Variants in PRKG1 observed in about 807,000 individuals in gnomAD.
The protein encoded by PRKG1 is protein kinase cGMP-dependent 1.
Under a neutral mutation model 88.1 loss-of-function variants are expected in PRKG1, and 35 were observed. That is an observed-to-expected ratio of 0.40 (90% confidence interval 0.30 to 0.53). The LOEUF (loss-of-function observed/expected upper bound fraction) is 0.53, where lower values mean the gene tolerates loss of function less well. PRKG1 is among the 20% of genes least tolerant of loss of function. PRKG1 has a pLI of 0.59. For synonymous variants in PRKG1, 303 were observed against 292.5 expected (o/e 1.04, Z -0.37); for missense variants, 540 against 839.8 (o/e 0.64, Z 4.41).
At chr10:51,530,819 T>C (rs1480022920) in intron 3 of PRKG1, among the ~76,000 whole-genome samples, 1 of 152,160 alleles carries the variant, frequency 6.6e-6, no homozygotes, top group Non-Finnish European at 1.5e-5. Flanking sequence ...GGGAAACCCT[T>C]TTTCCCATGT....
intron 8 of PRKG1, among the ~76,000 whole-genome samples, chr10:52,156,060 G>C (rs1320896961): frequency 2.6e-5 from 4 of 151,938 alleles, no homozygotes; most frequent in Admixed American, 6.6e-5. Flanking sequence ...TGAAGTGTTT[G>C]TTATTTGAAA....
intron 4 of PRKG1, among the ~76,000 whole-genome samples, chr10:51,856,841 T>G (rs967871381): frequency 8.6e-5 from 13 of 151,748 alleles, no homozygotes; most frequent in Admixed American, 7.9e-4. Context: ...GGCGGGTGCC[T>G]TAGTCCCAGC....
At chr10:52,193,974 C>A (rs1418391042) in intron 9 of PRKG1, among the ~76,000 whole-genome samples, 1 of 152,014 alleles carries the variant, frequency 6.6e-6, no homozygotes, top group East Asian at 1.9e-4. Flanking sequence ...TTTTAAATGT[C>A]TATCTAAAAG....
chr10:51,416,513 G>A (rs1838243191), intron 2 of PRKG1, among the ~76,000 whole-genome samples: 2 of 152,120 alleles, frequency 1.3e-5, no homozygotes, highest in Non-Finnish European at 2.9e-5. Flanking sequence ...TTTGAACCCT[G>A]TCTCAACCAG....
At chr10:51,786,415 T>G (rs1310372515) in intron 3 of PRKG1, among the ~76,000 whole-genome samples, 1 of 152,162 alleles carries the variant, frequency 6.6e-6, no homozygotes. Flanking sequence ...AGTAAGGTTT[T>G]GCTAGCTTTG....
intron 3 of PRKG1, among the ~76,000 whole-genome samples, chr10:51,630,106 G>C (rs1013387974): frequency 1.3e-5 from 2 of 152,146 alleles, no homozygotes; most frequent in Admixed American, 6.5e-5. Context: ...ATTGAAATGT[G>C]CTGCCAGTGA....
At chr10:51,643,224 T>C (rs1307941162) in intron 3 of PRKG1, among the ~76,000 whole-genome samples, 1 of 152,210 alleles carries the variant, frequency 6.6e-6, no homozygotes, top group Non-Finnish European at 1.5e-5. Context: ...TATCCAACTG[T>C]ATGTTTCTAC....
chr10:51,098,400 G>A (rs1844595985), intron 1 of PRKG1, among the ~76,000 whole-genome samples: 1 of 152,146 alleles, frequency 6.6e-6, no homozygotes, highest in South Asian at 2.1e-4. Context: ...TCCTGAATTG[G>A]AGAGAGTGTG....
At chr10:51,383,208 A>T (rs1053505016) in intron 2 of PRKG1, among the ~76,000 whole-genome samples, 1 of 152,080 alleles carries the variant, frequency 6.6e-6, no homozygotes, top group African/African-American at 2.4e-5. Context: ...TAGACAATAG[A>T]CAACCAAATA....
intron 7 of PRKG1, among the ~76,000 whole-genome samples, chr10:52,092,301 T>G (rs1847076396): frequency 6.6e-6 from 1 of 152,178 alleles, no homozygotes; most frequent in Non-Finnish European, 1.5e-5. Context: ...TACACTAAAT[T>G]TTATTTTAAA....
chr10:51,924,775 T>G (rs957933110), intron 5 of PRKG1, among the ~76,000 whole-genome samples: 4 of 151,908 alleles, frequency 2.6e-5, no homozygotes, highest in Non-Finnish European at 4.4e-5. Context: ...AGTTTTTATT[T>G]ATATACTTTC....
chr10:52,009,883 C>T (rs1589513418), intron 5 of PRKG1, among the ~76,000 whole-genome samples: 1 of 152,076 alleles, frequency 6.6e-6, no homozygotes, highest in East Asian at 1.9e-4. Context: ...CTACAACCAT[C>T]TGATGTTTGA....
chr10:52,005,900 G>A (rs1166450785), intron 5 of PRKG1, among the ~76,000 whole-genome samples: 1 of 151,902 alleles, frequency 6.6e-6, no homozygotes, highest in Non-Finnish European at 1.5e-5. Context: ...ACCTGGCAAG[G>A]ATATGGCTTA....
At chr10:51,587,668 C>T (rs1456609957) in intron 3 of PRKG1, among the ~76,000 whole-genome samples, 1 of 152,158 alleles carries the variant, frequency 6.6e-6, no homozygotes, top group African/African-American at 2.4e-5. Context: ...GCTTGCTTTT[C>T]ATTTAAATAC....
Position 51,367,127 on chromosome 10 carries a change from C to T in PRKG1, c.479-100596C>T, listed in dbSNP as rs751401727. 1.1e-3 allele frequency among the ~76,000 whole-genome samples: 166 copies of T among 151,976 alleles called. 1 individual carries two copies. Among genetic ancestry groups the T allele is most frequent in the Non-Finnish European group, 1.4e-3 (94 of 67,856 alleles). ...GAGCAGTTTCATTTAGAAACTAAGA[C>T]TCTTTTTTTTCCATGTTGTCAGAAG... On this transcript the variant is annotated intron_variant, in intron 2 of 17. Transcript: ENST00000373980.
rs767493452 is a variant in PRKG1 at position 51,639,351 on chromosome 10, G to A, written c.593-165234G>A. On this transcript the variant is annotated intron_variant, in intron 3 of 17. Transcript: ENST00000373980. ...TGGGAGGCTGAGGCAGGAGAATGGC[G>A]TGAACCTCGGAGGCCGAGCTTGCAG... Among the ~76,000 whole-genome samples, 18 of 145,682 alleles carry A rather than the reference G, an allele frequency of 1.2e-4. No individual in the cohort carries two copies. The East Asian group carries it at 1.5e-3, about 12-fold the overall frequency.
intron 5 of PRKG1, among the ~76,000 whole-genome samples, chr10:51,916,406 G>T (rs1393309277): frequency 6.6e-6 from 1 of 152,180 alleles, no homozygotes. Context: ...GTGTAAAAAC[G>T]GAAGGTATGA....
intron 9 of PRKG1, among the ~76,000 whole-genome samples, chr10:52,181,147 G>C (rs1029509213): frequency 1.3e-5 from 2 of 152,146 alleles, no homozygotes; most frequent in African/African-American, 4.8e-5. Context: ...CCATTTCTCA[G>C]GACCAGAATG....
chr10:51,780,858 G>A (rs914358212), intron 3 of PRKG1, among the ~76,000 whole-genome samples: 7 of 152,028 alleles, frequency 4.6e-5, no homozygotes, highest in African/African-American at 1.7e-4. Context: ...CCAAGAAGAT[G>A]GCCTATTTTT....
Sources: allele counts gnomAD v4.1 joint callset (sites outside exome capture counted in the v4.1 genomes callset), GRCh38; gene constraint gnomAD v4.1.1; transcripts MANE v1.5; gene names NCBI Gene and HGNC (gene_info 2026-07-23, HGNC 2026-07-21).